Variants in LIN54 observed in about 807,000 individuals in gnomAD.
LIN54 encodes lin-54 DREAM MuvB core complex component, also known as protein lin-54 homolog.
LIN54 carries 9 observed loss-of-function variants against 78.7 expected under a neutral mutation model. That is an observed-to-expected ratio of 0.11 (90% CI 0.07 to 0.20). The LOEUF is 0.20. LIN54 is among the 10% of genes least tolerant of loss of function. LIN54 has a pLI of 1.00. For synonymous variants in LIN54, 269 were observed against 318.4 expected (o/e 0.84, Z 1.65); for missense variants, 573 against 889.9 (o/e 0.64, Z 4.53).
At chr4:82,961,238 C>T (rs955988236) in intron 4 of LIN54, among the ~76,000 whole-genome samples, 4 of 152,068 alleles carry the variant, frequency 2.6e-5, no homozygotes, top group Admixed American at 2.0e-4. Context: ...TATGGATAGA[C>T]ATATATGATA....
rs913347331 is a variant in LIN54, at chr4:82,984,928, GA to G, written c.-32-53del. On this transcript the variant is annotated intron_variant, in intron 1 of 12. Coordinates refer to ENST00000340417, the MANE Select transcript of LIN54 (RefSeq NM_194282.4). ...AGTTACTAGGTTTCAAAAGATGTAA[GA>G]AAAAAATTCAAAAAAAATGCAAATG... 23 of 1,320,156 alleles carry G rather than the reference GA, an allele frequency of 1.7e-5. No homozygotes were observed. In the African/African-American group the frequency reaches 1.8e-4, roughly 10 times the overall value. The allele number at this position is 1,320,156 out of a possible 1,614,324, so 81.8% of individuals were successfully genotyped here. A position where few individuals can be genotyped will look rare whatever the true frequency, so the allele number is the denominator to read the frequency against.
Position 82,924,992 on chromosome 4 carries a change from C to T in LIN54, c.*3110G>A, listed in dbSNP as rs921570886. The T allele has an allele frequency of 5.9e-5, 9 of 152,538 alleles. No individual in the cohort carries two copies. Among genetic ancestry groups the T allele is most frequent in the African/African-American group, 1.7e-4 (7 of 41,422 alleles). 9.4% of individuals were successfully genotyped at this position (152,538 alleles called of 1,614,324 possible). ...ACTTTTCTAAAATTATTTTTATTCA[C>T]ATTTTACATAAGATTGAAAAAATGT... On this transcript the variant is annotated 3_prime_UTR_variant, in exon 13 of 13. Transcript: ENST00000340417.
chr4:82,963,662 TTGA>T (rs1229128965), intron 4 of LIN54, among the ~76,000 whole-genome samples: 2 of 133,938 alleles, frequency 1.5e-5, no homozygotes, highest in Admixed American at 1.6e-4. Context: ...AAATGTATAT[TTGA>T]TTGTAGAGCA....
intron 1 of LIN54, among the ~76,000 whole-genome samples, chr4:83,003,024 G>T (rs1490021316): frequency 1.3e-5 from 2 of 151,664 alleles, no homozygotes; most frequent in African/African-American, 4.8e-5. Context: ...GCTTTTTTTT[G>T]TGAGTGTGAG....
chr4:82,956,576 C>T (rs1226336331), intron 4 of LIN54, among the ~76,000 whole-genome samples: 1 of 152,114 alleles, frequency 6.6e-6, no homozygotes, highest in Non-Finnish European at 1.5e-5. Context: ...GATCGCACCA[C>T]TGCACTCCTG....
At chr4:82,978,123 G>C (rs1408972782) in intron 3 of LIN54, among the ~76,000 whole-genome samples, 1 of 152,156 alleles carries the variant, frequency 6.6e-6, no homozygotes, top group African/African-American at 2.4e-5. Context: ...TGGATTGGGA[G>C]TAGAAAGGCA....
chr4:82,972,070 T>A (rs1725701775), intron 3 of LIN54, among the ~76,000 whole-genome samples: 1 of 152,156 alleles, frequency 6.6e-6, no homozygotes, highest in Non-Finnish European at 1.5e-5. Flanking sequence ...TTGTTTTGTT[T>A]TGAGACAGGG....
Position 82,939,712 on chromosome 4 carries a change from T to G in LIN54, c.1267A>C (p.Thr423Pro). The change falls in exon 7 of 13, where the codon ACT becomes CCT. Residue 423 changes from threonine to proline, a missense_variant. Coordinates refer to ENST00000340417, the MANE Select transcript of LIN54 (RefSeq NM_194282.4). ...KQVVPKPINP[T>P]SQIVTTSQPQ... is the part of the protein sequence containing the mutation. ...TGGCTAGTAGTTACTATTTGTGAAG[T>G]TGGATTGATTGGTTTTGGAACAACC... The G allele has an allele frequency of 6.2e-7, 1 of 1,614,146 alleles. No individual in the cohort carries two copies. The highest frequency in any genetic ancestry group is 1.1e-5 in the South Asian group (1 of 91,080).
At chr4:82,947,598 A>T (rs2126046486) in intron 4 of LIN54, among the ~76,000 whole-genome samples, 1 of 152,180 alleles carries the variant, frequency 6.6e-6, no homozygotes, top group African/African-American at 2.4e-5. Flanking sequence ...TTAAAGACTG[A>T]TATTAATCCT....
intron 3 of LIN54, among the ~76,000 whole-genome samples, chr4:82,971,344 C>T (rs1725631039): frequency 6.9e-6 from 1 of 144,030 alleles, no homozygotes; most frequent in African/African-American, 2.8e-5. Context: ...GTAGAAGTGA[C>T]GTGTGTCATT....
intron 4 of LIN54, among the ~76,000 whole-genome samples, chr4:82,962,148 C>T (rs1408730739): frequency 6.6e-6 from 1 of 152,042 alleles, no homozygotes; most frequent in Non-Finnish European, 1.5e-5. Flanking sequence ...TGGCCTTGAA[C>T]TCCTGGACTC....
At chr4:82,928,346 T>G (rs1553945137) in intron 12 of LIN54, 43 bp from the exon 13 acceptor site, 1 of 1,468,004 alleles carries the variant, frequency 6.8e-7, no homozygotes, top group Non-Finnish European at 9.5e-7. Flanking sequence ...TGGTGTTAAA[T>G]AACAACAAAA....
chr4:83,011,566 GT>G (rs1006552012), upstream of LIN54, among the ~76,000 whole-genome samples: 1 of 148,740 alleles, frequency 6.7e-6, no homozygotes, highest in Non-Finnish European at 1.5e-5. Context: ...TTTGCCAAAT[GT>G]TTTTTTAGGA....
chr4:82,938,760 G>A (rs935513590), intron 7 of LIN54, among the ~76,000 whole-genome samples: 5 of 152,106 alleles, frequency 3.3e-5, no homozygotes, highest in Admixed American at 1.3e-4. Context: ...TAAGTATGTC[G>A]GAATGATAGG....
chr4:82,964,390 G>T (rs1725044233), intron 4 of LIN54, among the ~76,000 whole-genome samples: 1 of 152,082 alleles, frequency 6.6e-6, no homozygotes, highest in African/African-American at 2.4e-5. Context: ...CATTAATTCA[G>T]ACCTGCAGTA....
At chr4:82,986,488 A>T (rs1727150480) in intron 1 of LIN54, among the ~76,000 whole-genome samples, 1 of 151,892 alleles carries the variant, frequency 6.6e-6, no homozygotes. Context: ...GGCAGATCAC[A>T]AGGTCAAGAG....
At chr4:82,980,269 A>G (rs1350762769) in intron 2 of LIN54, among the ~76,000 whole-genome samples, 1 of 152,296 alleles carries the variant, frequency 6.6e-6, no homozygotes, top group African/African-American at 2.4e-5. Context: ...TAAAAATCAA[A>G]GAATTTTAGA....
At chr4:82,937,958 G>A (rs113964652) in intron 8 of LIN54, among the ~76,000 whole-genome samples, 1,851 of 152,050 alleles carry the variant, frequency 0.012, 26 homozygotes, top group African/African-American at 0.018. Flanking sequence ...TAGTGAGACC[G>A]CATCTCTACA....
chr4:83,004,267 T>A (rs1009642086), intron 1 of LIN54, among the ~76,000 whole-genome samples: 4 of 151,442 alleles, frequency 2.6e-5, no homozygotes. Context: ...GGAGTGGTGG[T>A]GGGCACCTGT....
Sources: gnomAD v4.1 joint callset for allele counts (sites outside exome capture counted in the v4.1 genomes callset) on GRCh38, gnomAD v4.1.1 for gene constraint, MANE v1.5 for transcripts, NCBI Gene and HGNC (gene_info 2026-07-23, HGNC 2026-07-21) for gene names.